The following CACHD1 variants were observed in gnomAD, a reference collection of about 807,000 sequenced individuals.
CACHD1 encodes cache domain containing 1.
In CACHD1, 71 loss-of-function variants were observed where a neutral mutation model predicts 138.7. That is an observed-to-expected ratio of 0.51 (90% CI 0.42 to 0.62). The LOEUF is 0.62. CACHD1 is among the 20% of genes least tolerant of loss of function. CACHD1 has a pLI of 0.00. For synonymous variants in CACHD1, 578 were observed against 591.5 expected (o/e 0.98, Z 0.33); for missense variants, 1,389 against 1,625.3 (o/e 0.85, Z 2.50).
At chr1:64,624,747 A>G (rs1240145731) in intron 4 of CACHD1, among the ~76,000 whole-genome samples, 2 of 152,158 alleles carry the variant, frequency 1.3e-5, no homozygotes, top group African/African-American at 2.4e-5. Flanking sequence ...TCACTTGGAG[A>G]TAATAATTTT....
chr1:64,652,366 A>G (rs1278653098), intron 10 of CACHD1, 56 bp downstream of exon 10: 18 of 1,447,782 alleles, frequency 1.2e-5, no homozygotes, highest in African/African-American at 2.9e-5. Context: ...AAAGAAAATA[A>G]GGTATAGATA....
At chr1:64,653,716 A>G (rs779202809) in intron 10 of CACHD1, 42 bp from the exon 11 acceptor site, 18 of 1,598,332 alleles carry the variant, frequency 1.1e-5, no homozygotes, top group Non-Finnish European at 1.5e-5. Flanking sequence ...AACTTCCTAC[A>G]ACATGTTTCT....
At chr1:64,489,321 G>A (rs945890466) in intron 1 of CACHD1, among the ~76,000 whole-genome samples, 2 of 152,080 alleles carry the variant, frequency 1.3e-5, no homozygotes, top group African/African-American at 2.4e-5. Context: ...TGTGGGCTTT[G>A]TGGATGTGAT....
intron 4 of CACHD1, among the ~76,000 whole-genome samples, chr1:64,621,035 A>AATT (rs1337769420): frequency 3.9e-5 from 6 of 152,214 alleles, no homozygotes; most frequent in African/African-American, 1.4e-4. Context: ...AATAATCTTA[A>AATT]ATTATTAGAT....
At position 64,470,583 on chromosome 1, in the gene CACHD1, G is replaced by A. The variant is rs907636090; in HGVS notation, c.-162G>A. 6.6e-6 allele frequency among the ~76,000 whole-genome samples: 1 copy of A among 151,902 alleles called. No individual in the cohort carries two copies. The highest frequency in any genetic ancestry group is 2.4e-5 in the African/African-American group (1 of 41,406). ...CGCCCGCGCTCCCGCGCTGTAGCCG[G>A]GCGCCCCCTAAGTTTGGGAGCCTTC... On this transcript the variant is annotated 5_prime_UTR_variant, in exon 1 of 27. Transcript: ENST00000651257. This position sits in a 1 kb window ranked among gnomAD's most constrained non-coding sequence, Gnocchi z 5.2.
At chr1:64,661,292 A>G (rs1485673778) in intron 13 of CACHD1, among the ~76,000 whole-genome samples, 1 of 152,106 alleles carries the variant, frequency 6.6e-6, no homozygotes, top group African/African-American at 2.4e-5. Flanking sequence ...CAAAGAAAAA[A>G]TTTTTAAGAG....
At chr1:64,560,464 T>C (rs926906593) in intron 2 of CACHD1, among the ~76,000 whole-genome samples, 2 of 152,118 alleles carry the variant, frequency 1.3e-5, no homozygotes, top group South Asian at 4.1e-4. Flanking sequence ...TTTTGACCCA[T>C]GGATTTTTAA....
At chr1:64,527,762 A>C (rs1292817849) in intron 1 of CACHD1, among the ~76,000 whole-genome samples, 3 of 152,222 alleles carry the variant, frequency 2.0e-5, no homozygotes, top group Non-Finnish European at 4.4e-5. Context: ...TTTTTGTAGT[A>C]GGGGTCAGCA....
intron 7 of CACHD1, among the ~76,000 whole-genome samples, chr1:64,640,904 T>A (rs1386604460): frequency 6.6e-6 from 1 of 150,518 alleles, no homozygotes; most frequent in Non-Finnish European, 1.5e-5. Context: ...TTTTTTTTAG[T>A]CAACCCACTT....
At chr1:64,506,220 T>C (rs4915981) in intron 1 of CACHD1, 105,319 of 152,132 alleles carry the variant, frequency 0.69, 40,700 homozygotes, top group Non-Finnish European at 0.84. Context: ...ATTGAACTTT[T>C]AATAAGCACT....
chr1:64,610,594 G>A (rs927660857), intron 4 of CACHD1, among the ~76,000 whole-genome samples: 1 of 152,196 alleles, frequency 6.6e-6, no homozygotes, highest in Non-Finnish European at 1.5e-5. Context: ...CACATCCAGG[G>A]GTATGCTGAT....
At position 64,652,238 on chromosome 1, in the gene CACHD1, G is replaced by A. The variant is rs1649119375; in HGVS notation, c.1468G>A (p.Ala490Thr). Reference protein sequence around the residue: ...LGIVGVDVNLAYILEDVTYYQ... With the variant: ...LGIVGVDVNLTYILEDVTYYQ... ...AATTGTAGGTGTGGACGTGAATCTGGCTTACATTCTTGAAGACGTGACGTA... is the reference window on the plus strand; with the variant it reads ...AATTGTAGGTGTGGACGTGAATCTGACTTACATTCTTGAAGACGTGACGTA... The change falls in exon 10 of 27, where the codon GCT becomes ACT. Residue 490 changes from alanine (A) to threonine (T), a missense_variant. This residue lies in a region of CACHD1 where 1,000 missense variants were observed against 1,114.7 expected (regional missense o/e 0.90). Coordinates refer to ENST00000651257, the MANE Select transcript of CACHD1 (RefSeq NM_020925.4). 1.2e-6 allele frequency: 2 copies of A among 1,613,618 alleles called. No individual in the cohort carries two copies. The highest frequency in any genetic ancestry group is 1.3e-5 in the African/African-American group (1 of 74,892).
intron 1 of CACHD1, among the ~76,000 whole-genome samples, chr1:64,520,926 A>ACAGGTAGGTTTATCTCTG (rs772999043): frequency 4.1e-4 from 62 of 152,274 alleles, no homozygotes; most frequent in Non-Finnish European, 7.6e-4. Context: ...GTTTATCTCT[A>ACAGGTAGGTTTATCTCTG]CAGGTAGGTT....
chr1:64,624,153 T>A (rs901006416), intron 4 of CACHD1, among the ~76,000 whole-genome samples: 18 of 152,318 alleles, frequency 1.2e-4, no homozygotes, highest in African/African-American at 4.3e-4. Context: ...ATATCCATCA[T>A]CTTCTGCTAG....
At chr1:64,643,814 G>A (rs1255227375) in intron 8 of CACHD1, among the ~76,000 whole-genome samples, 2 of 152,166 alleles carry the variant, frequency 1.3e-5, no homozygotes, top group African/African-American at 4.8e-5. Context: ...CTCCAGCCTG[G>A]GCGACAGAGC....
chr1:64,483,862 CTT>C (rs781161248), intron 1 of CACHD1, among the ~76,000 whole-genome samples: 3 of 67,144 alleles, frequency 4.5e-5, no homozygotes, highest in African/African-American at 1.0e-4. Flanking sequence ...TATCTTTTAC[CTT>C]CCCCCCCCCC....
chr1:64,668,990 T>C (rs1000666682), intron 16 of CACHD1, among the ~76,000 whole-genome samples: 21 of 152,204 alleles, frequency 1.4e-4, no homozygotes, highest in Admixed American at 6.5e-5. Flanking sequence ...CATTTACTGT[T>C]TGCATGACTA....
At chr1:64,668,336 A>G (rs568807158) in intron 16 of CACHD1, among the ~76,000 whole-genome samples, 11 of 147,228 alleles carry the variant, frequency 7.5e-5, no homozygotes, top group Admixed American at 4.7e-4. Context: ...CAAAAAAAAA[A>G]AAAAAGAAAA....
chr1:64,478,366 T>C (rs894277563), intron 1 of CACHD1, among the ~76,000 whole-genome samples: 5 of 152,194 alleles, frequency 3.3e-5, no homozygotes, highest in Non-Finnish European at 4.4e-5. Flanking sequence ...GGCACACACA[T>C]TGGACTACTG....
Sources: gnomAD v4.1 joint callset for allele counts (sites outside exome capture counted in the v4.1 genomes callset) on GRCh38, gnomAD v4.1.1 for gene constraint, gnomAD v4.1.1 regional missense constraint, Gnocchi (gnomAD v3.1) non-coding constraint, MANE v1.5 for transcripts, NCBI Gene and HGNC (gene_info 2026-07-23, HGNC 2026-07-21) for gene names.